Variants in PRKCE observed in about 807,000 individuals in gnomAD.
The protein encoded by PRKCE is protein kinase C epsilon type.
Under a neutral mutation model 85.4 loss-of-function variants are expected in PRKCE, and 16 were observed. That is an observed-to-expected ratio of 0.19 (90% CI 0.13 to 0.28). The LOEUF (loss-of-function observed/expected upper bound fraction) is 0.28, where lower values mean the gene tolerates loss of function less well. PRKCE is among the 10% of genes least tolerant of loss of function. The probability of loss-of-function intolerance (pLI) is 1.00; values close to 1 mark genes in which losing one functional copy is unlikely to be tolerated. For synonymous variants in PRKCE, 388 were observed against 371.5 expected (o/e 1.04, Z -0.51); for missense variants, 573 against 975.2 (o/e 0.59, Z 5.49).
chr2:45,968,892 C>G (rs1284369248), intron 2 of PRKCE, among the ~76,000 whole-genome samples: 1 of 151,876 alleles, frequency 6.6e-6, no homozygotes, highest in Non-Finnish European at 1.5e-5. Flanking sequence ...CCTGAGTGTT[C>G]CTGTGGTGCA....
intron 2 of PRKCE, among the ~76,000 whole-genome samples, chr2:45,954,268 A>C (rs534466479): frequency 6.6e-6 from 1 of 152,232 alleles, no homozygotes; most frequent in Non-Finnish European, 1.5e-5. Context: ...ATGACAGCTA[A>C]TGGCTTCCTT....
intron 1 of PRKCE, among the ~76,000 whole-genome samples, chr2:45,710,142 G>C (rs1321061577): frequency 6.6e-6 from 1 of 152,198 alleles, no homozygotes; most frequent in Non-Finnish European, 1.5e-5. Flanking sequence ...GCTAGGTGCT[G>C]GGCACCGTTC....
chr2:46,091,285 TG>T (rs1423307184), intron 11 of PRKCE, among the ~76,000 whole-genome samples: 2 of 152,196 alleles, frequency 1.3e-5, no homozygotes, highest in Non-Finnish European at 2.9e-5. Flanking sequence ...GGGAGGTTTT[TG>T]AAGGGTGGGC....
intron 10 of PRKCE, among the ~76,000 whole-genome samples, chr2:46,065,152 G>C (rs1340852061): frequency 6.6e-6 from 1 of 152,054 alleles, no homozygotes; most frequent in Non-Finnish European, 1.5e-5. Flanking sequence ...GAGGAGACAT[G>C]GGTGGTAATG....
chr2:45,876,027 T>G (rs761741150), intron 2 of PRKCE, among the ~76,000 whole-genome samples: 30 of 152,228 alleles, frequency 2.0e-4, no homozygotes, highest in Non-Finnish European at 1.6e-4. Context: ...GCTAAAAATC[T>G]ACATCAGCTT....
intron 10 of PRKCE, among the ~76,000 whole-genome samples, chr2:46,057,560 G>A (rs936902832): frequency 6.6e-5 from 10 of 151,536 alleles, no homozygotes; most frequent in Admixed American, 3.9e-4. Flanking sequence ...TCAGCCTCCC[G>A]AGTAGCTGGG....
At chr2:45,670,887 C>T (rs1188382454) in intron 1 of PRKCE, among the ~76,000 whole-genome samples, 1 of 152,216 alleles carries the variant, frequency 6.6e-6, no homozygotes, top group Admixed American at 6.5e-5. Context: ...CCCTGATGAA[C>T]AGAAATACCT....
At chr2:45,833,830 T>A (rs1243356192) in intron 1 of PRKCE, among the ~76,000 whole-genome samples, 1 of 152,180 alleles carries the variant, frequency 6.6e-6, no homozygotes, top group Admixed American at 6.5e-5. Flanking sequence ...AATGCTTGGG[T>A]AGGTGGCTAC....
chr2:45,865,815 C>CTTTTTTTTT (rs36102606), intron 2 of PRKCE, among the ~76,000 whole-genome samples: 2 of 133,668 alleles, frequency 1.5e-5, no homozygotes, highest in African/African-American at 2.8e-5. Flanking sequence ...TCTTCTTCTT[C>CTTTTTTTTT]TTTTTTTTTT....
chr2:45,977,139 C>G (rs1447806789), intron 3 of PRKCE, among the ~76,000 whole-genome samples: 2 of 152,202 alleles, frequency 1.3e-5, no homozygotes, highest in East Asian at 3.9e-4. Context: ...TCAAGTGATC[C>G]ACCCACCTCT....
chr2:46,053,639 C>T (rs1430991961), intron 10 of PRKCE, among the ~76,000 whole-genome samples: 1 of 152,086 alleles, frequency 6.6e-6, no homozygotes, highest in Non-Finnish European at 1.5e-5. Flanking sequence ...CACTTAGCAC[C>T]GTGTCCTCGA....
In PRKCE at chr2:45,881,251, C is replaced by G. The variant is rs148436422; in HGVS notation, c.412+38188C>G. Among the ~76,000 whole-genome samples the G allele has an allele frequency of 7.0e-3, 1,060 of 151,790 alleles. 10 individuals are homozygous for G. The highest frequency in any genetic ancestry group is 0.024 in the African/African-American group (977 of 41,332). ...CCTTCTCCTGCTCTGTAGTATCTGTCTGGAGAAGCAGAGCCATGAAATTAA... is the reference window on the plus strand; with the variant it reads ...CCTTCTCCTGCTCTGTAGTATCTGTGTGGAGAAGCAGAGCCATGAAATTAA... On this transcript the variant is annotated intron_variant, in intron 2 of 14. Coordinates refer to ENST00000306156, the MANE Select transcript of PRKCE (RefSeq NM_005400.3).
intron 1 of PRKCE, among the ~76,000 whole-genome samples, chr2:45,677,614 C>G (rs1347831834): frequency 6.6e-6 from 1 of 152,100 alleles, no homozygotes; most frequent in African/African-American, 2.4e-5. Flanking sequence ...CCTCGGCCTC[C>G]CAAAGCAGTG....
intron 2 of PRKCE, among the ~76,000 whole-genome samples, chr2:45,949,090 A>T (rs1700435967): frequency 6.6e-6 from 1 of 152,224 alleles, no homozygotes; most frequent in South Asian, 2.1e-4. Context: ...CCTTGGGTAT[A>T]AGTGTGCAAA....
Position 45,652,215 on chromosome 2 carries a change from G to C in PRKCE, c.115G>C (p.Asp39His), listed in dbSNP as rs1345511001. 1 of 1,613,430 alleles carries C rather than the reference G, an allele frequency of 6.2e-7. No individual in the cohort carries two copies. The highest frequency in any genetic ancestry group is 8.5e-7 in the Non-Finnish European group (1 of 1,179,970). The stretch of plus-strand genomic sequence containing the variant: ...ACCCCGGCCGCAGACTTTCCTTCTC[G>C]ACCCCTACATTGCCCTCAATGTGGA... ...VGPRPQTFLL[D>H]PYIALNVDDS... Residue 39 changes from aspartate to histidine, a missense_variant, in exon 1 of 15, where the codon GAC (aspartate) becomes CAC (histidine). By Grantham distance (81) the Asp-to-His change is moderately conservative. This residue lies in a region of PRKCE where 100 missense variants were observed against 177.1 expected (regional missense o/e 0.56). Transcript: ENST00000306156. The surrounding 1 kb of genome is among the most constrained non-coding windows in gnomAD (Gnocchi z 7.7).
chr2:45,984,727 T>TTGCTGCCTGCCCCCATCCC, intron 6 of PRKCE, 47 bp downstream of exon 6: 1 of 1,571,686 alleles, frequency 6.4e-7, no homozygotes, highest in Non-Finnish European at 8.6e-7. Context: ...GTCCCCTTCC[T>TTGCTGCCTGCCCCCATCCC]TGCTGCCTGC....
At chr2:45,842,262 C>A (rs1030770444) in intron 1 of PRKCE, among the ~76,000 whole-genome samples, 1 of 152,164 alleles carries the variant, frequency 6.6e-6, no homozygotes, top group Non-Finnish European at 1.5e-5. Flanking sequence ...CTGTTTCTTA[C>A]GCCTTGCATA....
intron 14 of PRKCE, among the ~76,000 whole-genome samples, chr2:46,167,431 G>A (rs928937205): frequency 6.6e-6 from 1 of 152,184 alleles, no homozygotes; most frequent in African/African-American, 2.4e-5. Flanking sequence ...CTGAGGCCAA[G>A]GGAGGCTGGA....
intron 2 of PRKCE, among the ~76,000 whole-genome samples, chr2:45,850,743 C>T (rs1281419625): frequency 6.6e-6 from 1 of 152,080 alleles, no homozygotes; most frequent in Non-Finnish European, 1.5e-5. Context: ...TTATTTAAAC[C>T]TTTGGTGTGA....
Sources: gnomAD v4.1 joint callset for allele counts (sites outside exome capture counted in the v4.1 genomes callset) on GRCh38, gnomAD v4.1.1 for gene constraint, gnomAD v4.1.1 regional missense constraint, Gnocchi (gnomAD v3.1) non-coding constraint, MANE v1.5 for transcripts, NCBI Gene and HGNC (gene_info 2026-07-23, HGNC 2026-07-21) for gene names.